The following CFLAR variants were observed in gnomAD, a reference collection of about 807,000 sequenced individuals.
The protein encoded by CFLAR is CASP8 and FADD-like apoptosis regulator.
CFLAR carries 14 observed loss-of-function variants against 51.1 expected under a neutral mutation model. The ratio of observed to expected loss-of-function variants is 0.27; its 90% CI spans 0.18 to 0.43. CFLAR has a LOEUF of 0.43. Among genes scored for constraint, CFLAR ranks in the 20% least tolerant of loss-of-function variants. CFLAR has a pLI of 1.00. For synonymous variants in CFLAR, 210 were observed against 211.6 expected, an observed-to-expected ratio of 0.99 and a Z score of 0.06; for missense variants, 390 against 566.5, an observed-to-expected ratio of 0.69 and a Z score of 3.16.
intron 1 of CFLAR, among the ~76,000 whole-genome samples, chr2:201,123,134 T>G (rs2048345243): frequency 6.6e-6 from 1 of 152,202 alleles, no homozygotes; most frequent in Non-Finnish European, 1.5e-5. Flanking sequence ...TATATCCAAT[T>G]AGATGATGAT....
intron 6 of CFLAR, among the ~76,000 whole-genome samples, chr2:201,147,295 G>A (rs1258393381): frequency 2.0e-5 from 3 of 152,112 alleles, no homozygotes; most frequent in South Asian, 2.1e-4. Context: ...TTGGGAGGTC[G>A]AGGTGGGTGC....
chr2:201,144,021 T>C (rs1226695019), intron 5 of CFLAR: 1 of 152,244 alleles, frequency 6.6e-6, no homozygotes, highest in Non-Finnish European at 1.5e-5. Flanking sequence ...TGATTTGATA[T>C]GTTACCTCTC....
intron 4 of CFLAR, chr2:201,136,751 A>C: frequency 7.0e-6 from 3 of 425,866 alleles, no homozygotes; most frequent in African/African-American, 2.0e-5. Flanking sequence ...CATACTCTAA[A>C]TGACTGATCA....
chr2:201,140,349 T>G lies in CFLAR; in HGVS notation c.524-8T>G, dbSNP rs1161345921. 4 of 1,601,818 alleles carry G rather than the reference T, an allele frequency of 2.5e-6. No individual in the cohort carries two copies. The highest frequency in any genetic ancestry group is 1.7e-6 in the Non-Finnish European group (2 of 1,173,088). On this transcript the variant is annotated splice_polypyrimidine_tract_variant and splice_region_variant and intron_variant, in intron 4 of 9. Transcript: ENST00000309955. ...TTTTAACTCAGTACCTCCCTTCTGC[T>G]TTTATAGTTCAAGGAGCAGGGACAA...
chr2:201,163,924 T>C lies in CFLAR; in HGVS notation c.1394T>C (p.Val465Ala), dbSNP rs1364634467. 1 of 1,614,136 alleles carries C rather than the reference T, an allele frequency of 6.2e-7. No individual in the cohort carries two copies. The change falls in exon 10 of 10, where the codon GTC becomes GCC. Residue 465 changes from valine (V) to alanine (A), a missense_variant. Around this residue, in one of 2 missense-constraint regions of CFLAR, gnomAD observed 287 missense variants for 363.6 expected, o/e 0.79. Coordinates refer to ENST00000309955, the MANE Select transcript of CFLAR (RefSeq NM_003879.7). ...GTTTCTGCCAAGGAGAAATATTATG[T>C]CTGGCTGCAGCACACTCTGAGAAAG... Reference protein sequence around the residue: ...SRVSAKEKYYVWLQHTLRKKL... With the variant: ...SRVSAKEKYYAWLQHTLRKKL...
rs1220556230 is a variant in CFLAR, at chr2:201,172,543, C to T, written c.*8570C>T. The T allele has an allele frequency of 1.3e-5, 2 of 152,190 alleles. No homozygotes were observed. The highest frequency in any genetic ancestry group is 4.8e-5 in the African/African-American group (2 of 41,428). The allele number at this position is 152,190 out of a possible 1,614,324, so 9.4% of individuals were successfully genotyped here. On this transcript the variant is annotated 3_prime_UTR_variant, in exon 10 of 10. Transcript: ENST00000309955. ...CAGAACATTTCCATCTACCTAGAAACTCCATACCAGTGAGCTGCCACTCTA... is the reference window on the plus strand; with the variant it reads ...CAGAACATTTCCATCTACCTAGAAATTCCATACCAGTGAGCTGCCACTCTA...
At chr2:201,130,187 G>GTGGGA in intron 2 of CFLAR, 41 bp downstream of exon 2, 2 of 292,394 alleles carry the variant, frequency 6.8e-6, no homozygotes, top group Non-Finnish European at 1.4e-5. Context: ...GGGTGGGAGG[G>GTGGGA]AGTGAAGTGT....
At chr2:201,130,187 G>GGGGGGGGGGGGGC in intron 2 of CFLAR, 41 bp downstream of exon 2, 6 of 292,378 alleles carry the variant, frequency 2.1e-5, no homozygotes, top group Non-Finnish European at 4.3e-5. Flanking sequence ...GGGTGGGAGG[G>GGGGGGGGGGGGGC]AGTGAAGTGT....
At chr2:201,135,612 T>G (rs988840859) in intron 3 of CFLAR, among the ~76,000 whole-genome samples, 6 of 152,116 alleles carry the variant, frequency 3.9e-5, no homozygotes, top group African/African-American at 1.4e-4. Flanking sequence ...GAGGTTTGCA[T>G]TTGGGGCTTA....
chr2:201,134,640 TTAAAATAAAA>T (rs60192551), intron 3 of CFLAR, among the ~76,000 whole-genome samples: 6,842 of 142,872 alleles, frequency 0.048, 201 homozygotes, highest in Middle Eastern at 0.12. Flanking sequence ...ATCTCAAAAA[TTAAAATAAAA>T]TAAAATAAAA....
Position 201,138,897 on chromosome 2 carries a change from C to G in CFLAR, c.524-1460C>G. The G allele has an allele frequency of 2.9e-6, 2 of 681,134 alleles. No individual in the cohort carries two copies. The highest frequency in any genetic ancestry group is 5.5e-6 in the Non-Finnish European group (2 of 363,914). 42.2% of individuals were successfully genotyped at this position (681,134 alleles called of 1,614,324 possible). ...CTTCAGAGTGACCATTGGGTCAGGG[C>G]TGAGGTCAGGTCCACCTCATCAGCT... On this transcript the variant is annotated intron_variant, in intron 4 of 9. Coordinates refer to ENST00000309955, the MANE Select transcript of CFLAR (RefSeq NM_003879.7). The surrounding 1 kb of genome is among the most constrained non-coding windows in gnomAD (Gnocchi z 4.0).
At chr2:201,160,203 AAC>A (rs1942838309) in intron 8 of CFLAR, among the ~76,000 whole-genome samples, 1 of 152,118 alleles carries the variant, frequency 6.6e-6, no homozygotes, top group Non-Finnish European at 1.5e-5. Flanking sequence ...ATCAGGCAGG[AAC>A]AGTGGTATAG....
intron 4 of CFLAR, chr2:201,137,737 C>T: frequency 1.2e-6 from 1 of 805,598 alleles, no homozygotes; most frequent in African/African-American, 1.7e-5. Flanking sequence ...CCCAAGACAT[C>T]CTGCGTGATC....
intron 5 of CFLAR, chr2:201,140,680 A>G (rs1302479326): frequency 5.1e-6 from 2 of 390,866 alleles, no homozygotes; most frequent in Admixed American, 4.5e-5. Context: ...CACTATCCAA[A>G]GACAACCACT....
chr2:201,153,903 C>CTTTTTTTTTTTTTTTTT (rs747813572), intron 8 of CFLAR, among the ~76,000 whole-genome samples: 23 of 103,048 alleles, frequency 2.2e-4, no homozygotes, highest in Non-Finnish European at 3.5e-4. Context: ...TCTTTTCTTT[C>CTTTTTTTTTTTTTTTTT]TTTTTTTTTT....
chr2:201,124,558 C>T lies in CFLAR; in HGVS notation c.-137-5171C>T, dbSNP rs184256090. Among the ~76,000 whole-genome samples, 30 of 152,294 alleles carry T rather than the reference C, an allele frequency of 2.0e-4. No individual in the cohort carries two copies. The highest frequency in any genetic ancestry group is 3.5e-4 in the Non-Finnish European group (24 of 68,032). ...CCATGTTGGCCAGGCTGGTCTTGAA[C>T]TCCTTGCCTCAAGTGATCCGCCCGC... On this transcript the variant is annotated intron_variant, in intron 1 of 9. Transcript: ENST00000309955. The surrounding 1 kb of genome is among the most constrained non-coding windows in gnomAD (Gnocchi z 4.7).
At chr2:201,163,660 C>T in intron 9 of CFLAR, 175 bp from the exon 10 acceptor site, 2 of 1,399,530 alleles carry the variant, frequency 1.4e-6, no homozygotes, top group Non-Finnish European at 9.3e-7. Flanking sequence ...GGGATGGTGG[C>T]CATCAGGCCA....
At chr2:201,161,743 T>TC (rs1389252103) in intron 9 of CFLAR, among the ~76,000 whole-genome samples, 1 of 131,306 alleles carries the variant, frequency 7.6e-6, no homozygotes. Flanking sequence ...TTTTTCTTTT[T>TC]TTTTTTTTTT....
chr2:201,134,669 A>T (rs576840694), intron 3 of CFLAR, among the ~76,000 whole-genome samples: 3 of 150,846 alleles, frequency 2.0e-5, no homozygotes, highest in African/African-American at 7.3e-5. Flanking sequence ...AATAAAATAA[A>T]ATAAAATAAA....
Sources: gnomAD v4.1 joint callset for allele counts (sites outside exome capture counted in the v4.1 genomes callset) on GRCh38, gnomAD v4.1.1 for gene constraint, gnomAD v4.1.1 regional missense constraint, Gnocchi (gnomAD v3.1) non-coding constraint, MANE v1.5 for transcripts, NCBI Gene and HGNC (gene_info 2026-07-23, HGNC 2026-07-21) for gene names.